EVC: variants seen among roughly 807,000 people sequenced by gnomAD.
EVC encodes the protein EvC ciliary complex subunit 1, also known as evC complex member EVC.
In EVC, 116 loss-of-function variants were observed where a neutral mutation model predicts 118.9. That is an observed-to-expected ratio of 0.98 (90% CI 0.84 to 1.14). The LOEUF is 1.14. EVC is among the 50% of genes most tolerant of loss of function. The pLI is 0.00. For synonymous variants in EVC, 619 were observed against 534.7 expected, an observed-to-expected ratio of 1.16 and a Z score of -2.18; for missense variants, 1,401 against 1,246.4, an observed-to-expected ratio of 1.12 and a Z score of -1.87.
At chr4:5,822,402 C>T in the EVC span, among the ~76,000 whole-genome samples, 1 of 150,808 alleles carries the variant, frequency 6.6e-6, no homozygotes, top group African/African-American at 2.4e-5. Context: ...TGTGTGTACA[C>T]ATTTGTATAT....
chr4:5,725,293 C>T (rs1019857887), intron 2 of EVC, among the ~76,000 whole-genome samples: 3 of 152,262 alleles, frequency 2.0e-5, no homozygotes, highest in East Asian at 3.9e-4. Flanking sequence ...TTTGAGGAAT[C>T]GCCACACTGT....
At chr4:5,757,855 A>G (rs1289794225) in intron 11 of EVC, among the ~76,000 whole-genome samples, 1 of 147,220 alleles carries the variant, frequency 6.8e-6, no homozygotes, top group Non-Finnish European at 1.5e-5. Context: ...CTCCAAATAC[A>G]GTCACATGGG....
At chr4:5,785,220 C>A (rs1229128284) in intron 12 of EVC, among the ~76,000 whole-genome samples, 1 of 152,204 alleles carries the variant, frequency 6.6e-6, no homozygotes, top group Non-Finnish European at 1.5e-5. Context: ...GGTGCATCAG[C>A]CTTTCTCTGC....
Position 5,811,560 on chromosome 4 carries a change from T to G in EVC, c.*523T>G, listed in dbSNP as rs546566928. The stretch of plus-strand genomic sequence containing the variant: ...TAGACACCCTGCCCGTGCAGAGAGA[T>G]GTCATGGGGGCACCTGCTCTCCCTG... On this transcript the variant is annotated 3_prime_UTR_variant, in exon 21 of 21. Coordinates refer to ENST00000264956, the MANE Select transcript of EVC (RefSeq NM_153717.3). 2.2e-5 allele frequency: 4 copies of G among 182,960 alleles called. No individual in the cohort carries two copies. The South Asian group carries it at 4.8e-4, about 22-fold the overall frequency. The allele number at this position is 182,960 out of a possible 1,614,324, so 11.3% of individuals were successfully genotyped here.
chr4:5,714,495 ATT>A (rs56388164), intron 1 of EVC, among the ~76,000 whole-genome samples: 71,620 of 129,534 alleles, frequency 0.55, 18,416 homozygotes, highest in East Asian at 0.56. Context: ...TGCTGCTTGC[ATT>A]TTTTTTTTTT....
Position 5,715,742 on chromosome 4 carries a change from T to C in EVC, c.175-3506T>C, listed in dbSNP as rs1296459459. Among the ~76,000 whole-genome samples, 20 of 117,028 alleles carry C rather than the reference T, an allele frequency of 1.7e-4. 4 individuals are homozygous for C. Among genetic ancestry groups the C allele is most frequent in the Non-Finnish European group, 2.9e-4 (14 of 48,772 alleles). 76.8% of individuals were successfully genotyped at this position (117,028 alleles called of 152,430 possible). A position where few individuals can be genotyped will look rare whatever the true frequency, so the allele number is the denominator to read the frequency against. ...TTTCGAAGGCATTTTTCCATTGTCT[T>C]TTTTTTTTTTTTTTTTTTTGAGATA... is the stretch of plus-strand genomic sequence containing the variant. On this transcript the variant is annotated intron_variant, in intron 1 of 20. Coordinates refer to ENST00000264956, the MANE Select transcript of EVC (RefSeq NM_153717.3).
intron 12 of EVC, among the ~76,000 whole-genome samples, chr4:5,785,139 C>T (rs557778657): frequency 2.0e-5 from 3 of 152,276 alleles, no homozygotes; most frequent in Admixed American, 1.3e-4. Flanking sequence ...ATACCAGAGC[C>T]GGTTTTGCTT....
At chr4:5,752,127 C>A (rs959328257) in intron 8 of EVC, among the ~76,000 whole-genome samples, 1 of 151,976 alleles carries the variant, frequency 6.6e-6, no homozygotes, top group African/African-American at 2.4e-5. Context: ...CTGAGCTGGG[C>A]GTGGCTGGGA....
In EVC at chr4:5,797,237, G is replaced by A; in HGVS notation, c.2097+5G>A. The A allele has an allele frequency of 6.2e-7, 1 of 1,600,222 alleles. No homozygotes were observed. Among genetic ancestry groups the A allele is most frequent in the Non-Finnish European group, 8.5e-7 (1 of 1,174,330 alleles). ...TGGCAGCTGCTCAGGGCCCTGGTAA[G>A]ACCAGCATGGTGGCCCCACCCATTC... On this transcript the variant is annotated splice_donor_5th_base_variant and intron_variant, in intron 14 of 20. Transcript: ENST00000264956.
chr4:5,817,601 C>A (rs1717911114), downstream of EVC, among the ~76,000 whole-genome samples: 1 of 152,198 alleles, frequency 6.6e-6, no homozygotes, highest in Non-Finnish European at 1.5e-5. Flanking sequence ...GCTTAGGAAA[C>A]TTCTTTTCAT....
At chr4:5,823,946 G>C in the EVC span, among the ~76,000 whole-genome samples, 1 of 152,238 alleles carries the variant, frequency 6.6e-6, no homozygotes, top group Non-Finnish European at 1.5e-5. Context: ...GAAAGCATCT[G>C]TGTTGTTGGT....
chr4:5,787,279 G>A (rs553314876), intron 12 of EVC, among the ~76,000 whole-genome samples: 13 of 152,322 alleles, frequency 8.5e-5, no homozygotes, highest in African/African-American at 1.4e-4. Context: ...CCTAAAACCC[G>A]TGAATATGTC....
At chr4:5,800,839 A>G (rs1395197429) in intron 15 of EVC, among the ~76,000 whole-genome samples, 1 of 112,990 alleles carries the variant, frequency 8.9e-6, no homozygotes, top group African/African-American at 3.2e-5. Context: ...CAGGCTAGTC[A>G]CCTCCGCAGC....
At position 5,749,442 on chromosome 4, in the gene EVC, G is replaced by C. The variant is rs1577425484; in HGVS notation, c.1098+1136G>C. ...CATTCAAAGGGTTGGACACCCGTGG[G>C]AGAGAAATCTGCGAATCCAGCTTTG... On this transcript the variant is annotated intron_variant, in intron 8 of 20. Transcript: ENST00000264956. The surrounding 1 kb of genome is among the most constrained non-coding windows in gnomAD (Gnocchi z 4.4). 2.0e-5 allele frequency among the ~76,000 whole-genome samples: 3 copies of C among 152,234 alleles called. No homozygotes were observed. The East Asian group carries it at 5.8e-4, about 29-fold the overall frequency.
chr4:5,781,487 G>C (rs1393081819), intron 11 of EVC, among the ~76,000 whole-genome samples: 1 of 152,106 alleles, frequency 6.6e-6, no homozygotes, highest in South Asian at 2.1e-4. Flanking sequence ...TTTTCAGGGC[G>C]AGGAGTCCAT....
intron 17 of EVC, 67 bp downstream of exon 17, chr4:5,804,908 TGGTGCCGTCAGCA>T (rs920836312): frequency 1.3e-5 from 18 of 1,394,270 alleles, no homozygotes; most frequent in Admixed American, 3.4e-5. Flanking sequence ...TATCTCTCTG[TGGTGCCGTCAGCA>T]GGTGCCGTCG....
At chr4:5,716,607 T>C (rs1560269150) in intron 1 of EVC, among the ~76,000 whole-genome samples, 2 of 152,152 alleles carry the variant, frequency 1.3e-5, no homozygotes, top group Admixed American at 6.5e-5. Context: ...GAAAAACAAC[T>C]CAGGGACATA....
At chr4:5,828,394 A>G in the EVC span, 39 of 1,495,664 alleles carry the variant, frequency 2.6e-5, no homozygotes, top group Non-Finnish European at 3.5e-5. Flanking sequence ...GGGCGATGAC[A>G]TTATTAACTC....
rs1389449862 is a variant in EVC at position 5,746,536 on chromosome 4, T to G, written c.939+1195T>G. Among the ~76,000 whole-genome samples the G allele has an allele frequency of 6.6e-6, 1 of 152,046 alleles. No homozygotes were observed. The highest frequency in any genetic ancestry group is 1.5e-5 in the Non-Finnish European group (1 of 68,000). Reference sequence around the variant, plus strand: ...GAGGCTTGGAGATGGAGGGTCTCCATGAGAGCCCAGGTTAGAGGACTTTGA... The same window carrying G: ...GAGGCTTGGAGATGGAGGGTCTCCAGGAGAGCCCAGGTTAGAGGACTTTGA... On this transcript the variant is annotated intron_variant, in intron 7 of 20. Transcript: ENST00000264956. This position sits in a 1 kb window ranked among gnomAD's most constrained non-coding sequence, Gnocchi z 5.8.
Sources: allele counts gnomAD v4.1 joint callset (sites outside exome capture counted in the v4.1 genomes callset), GRCh38; gene constraint gnomAD v4.1.1; non-coding constraint Gnocchi (gnomAD v3.1); transcripts MANE v1.5; gene names NCBI Gene and HGNC (gene_info 2026-07-23, HGNC 2026-07-21).